TULP3: variants seen among roughly 807,000 people sequenced by gnomAD.
TULP3 encodes tubby-related protein 3.
A neutral mutation model predicts 50.7 loss-of-function variants in TULP3; 38 were observed. The ratio of observed to expected loss-of-function variants is 0.75; its 90% confidence interval spans 0.58 to 0.98. The LOEUF is 0.98. TULP3 is among the 50% of genes least tolerant of loss of function. The pLI, the probability that TULP3 is intolerant of heterozygous loss-of-function variation, is 0.00. For missense variants in TULP3, 550 were observed against 568.0 expected, an observed-to-expected ratio of 0.97 and a Z score of 0.32; for synonymous variants, 183 against 196.6, an observed-to-expected ratio of 0.93 and a Z score of 0.58.
rs139852478 is a variant in TULP3 at position 2,938,188 on chromosome 12, C to T, written c.1098C>T (p.Pro366=). The T allele has an allele frequency of 1.8e-4, 297 of 1,614,178 alleles. No homozygotes were observed. In the East Asian group the frequency reaches 2.0e-3, roughly 11 times the overall value. ...ENLVELHNKA[P]VWNSDTQSYV... is the part of the protein sequence containing the mutation. ...TGGTTGAGCTGCACAACAAGGCCCC[C>T]GTCTGGAACAGTGACACTCAGTCCT... The change falls in exon 10 of 11, where the codon CCC becomes CCT. Residue 366 remains proline, a synonymous_variant. Coordinates refer to ENST00000448120, the MANE Select transcript of TULP3 (RefSeq NM_003324.5).
At chr12:2,915,472 T>C (rs117045170) in intron 2 of TULP3, among the ~76,000 whole-genome samples, 1 of 152,276 alleles carries the variant, frequency 6.6e-6, no homozygotes, top group East Asian at 1.9e-4. Flanking sequence ...AGAAGTCTAG[T>C]TTAAAAATTT....
chr12:2,907,900 T>C (rs1220277930), intron 1 of TULP3, among the ~76,000 whole-genome samples: 1 of 152,170 alleles, frequency 6.6e-6, no homozygotes, highest in Admixed American at 6.6e-5. Flanking sequence ...TTTGTTCCTC[T>C]TTGGAGCTGG....
At chr12:2,903,582 A>AC (rs1761284845) in intron 1 of TULP3, among the ~76,000 whole-genome samples, 3 of 151,940 alleles carry the variant, frequency 2.0e-5, no homozygotes, top group African/African-American at 7.2e-5. Flanking sequence ...AAAAAGAAAA[A>AC]AGAAAAAAAT....
intron 8 of TULP3, among the ~76,000 whole-genome samples, chr12:2,935,228 C>T (rs1283746704): frequency 1.3e-5 from 2 of 152,164 alleles, no homozygotes; most frequent in Non-Finnish European, 2.9e-5. Flanking sequence ...GCCCTCCTGT[C>T]ATTCCTTTGT....
intron 6 of TULP3, among the ~76,000 whole-genome samples, chr12:2,932,436 C>G (rs1259626222): frequency 6.6e-6 from 1 of 151,956 alleles, no homozygotes; most frequent in Non-Finnish European, 1.5e-5. Context: ...AAAAATTAGC[C>G]AGGAGTGGTG....
chr12:2,909,627 C>G (rs772482890), intron 2 of TULP3, 47 bp downstream of exon 2: 7 of 1,542,716 alleles, frequency 4.5e-6, no homozygotes, highest in African/African-American at 4.2e-5. Context: ...CTATACTGAC[C>G]GTGATGCTGA....
At chr12:2,913,420 CTTTT>C (rs1367419258) in intron 2 of TULP3, among the ~76,000 whole-genome samples, 1 of 150,802 alleles carries the variant, frequency 6.6e-6, no homozygotes, top group Non-Finnish European at 1.5e-5. Flanking sequence ...GCTAATTTTT[CTTTT>C]TTCTTTTCTT....
chr12:2,938,332 T>C, intron 10 of TULP3, 47 bp downstream of exon 10: 1 of 1,587,470 alleles, frequency 6.3e-7, no homozygotes, highest in Non-Finnish European at 8.6e-7. Context: ...ACAGATGCTC[T>C]TACAGGATGG....
At chr12:2,893,811 A>ATTT (rs63397262) in intron 1 of TULP3, among the ~76,000 whole-genome samples, 3 of 146,550 alleles carry the variant, frequency 2.0e-5, no homozygotes, top group South Asian at 2.1e-4. Flanking sequence ...ATTTTTTTTA[A>ATTT]TTTTTATTTT....
At chr12:2,893,997 A>G (rs1414538650) in intron 1 of TULP3, among the ~76,000 whole-genome samples, 1 of 152,022 alleles carries the variant, frequency 6.6e-6, no homozygotes, top group Non-Finnish European at 1.5e-5. Flanking sequence ...ATTTGAAACA[A>G]CACTCAGGAC....
At chr12:2,930,002 A>G (rs1038401072) in intron 4 of TULP3, among the ~76,000 whole-genome samples, 6 of 152,174 alleles carry the variant, frequency 3.9e-5, no homozygotes, top group Admixed American at 2.6e-4. Flanking sequence ...GAACTTTTTC[A>G]TCATCCCAGA....
chr12:2,923,159 G>A (rs1360217979), intron 4 of TULP3, among the ~76,000 whole-genome samples: 2 of 151,806 alleles, frequency 1.3e-5, no homozygotes, highest in African/African-American at 2.4e-5. Context: ...ACGCCCAGCC[G>A]AAAAATAATT....
At chr12:2,893,483 G>A (rs1370824529) in intron 1 of TULP3, among the ~76,000 whole-genome samples, 2 of 151,990 alleles carry the variant, frequency 1.3e-5, no homozygotes, top group Non-Finnish European at 2.9e-5. Flanking sequence ...ACCGTGCCCG[G>A]CTAATTTTTA....
intron 6 of TULP3, among the ~76,000 whole-genome samples, chr12:2,932,472 C>G (rs531225664): frequency 6.7e-5 from 10 of 149,788 alleles, no homozygotes; most frequent in African/African-American, 2.5e-4. Context: ...TCCAGCTACT[C>G]GGGAGGCTGA....
In TULP3 at chr12:2,934,536, G is replaced by A. The variant is rs761187853; in HGVS notation, c.899G>A (p.Arg300Gln). Residue 300 changes from arginine to glutamine, a missense_variant, in exon 8 of 11, where the codon CGG (arginine) becomes CAG (glutamine). By Grantham distance (43) the Arg-to-Gln change is conservative. Coordinates refer to ENST00000448120, the MANE Select transcript of TULP3 (RefSeq NM_003324.5). Reference protein sequence around the residue: ...GRGLVGAAHTRQELAAISYET... With the variant: ...GRGLVGAAHTQQELAAISYET... Reference sequence around the variant, plus strand: ...GGTTTGGTAGGAGCGGCCCACACCCGGCAGGAGCTGGCTGCCATCTCCTAT... The same window carrying A: ...GGTTTGGTAGGAGCGGCCCACACCCAGCAGGAGCTGGCTGCCATCTCCTAT... The A allele has an allele frequency of 1.4e-5, 23 of 1,593,630 alleles. No homozygotes were observed. In the African/African-American group the frequency reaches 1.9e-4, roughly 13 times the overall value.
In TULP3 at chr12:2,940,472, T is replaced by C. The variant is rs544244063; in HGVS notation, c.*1028T>C. 6.7e-7 allele frequency: 1 copy of C among 1,487,798 alleles called. No homozygotes were observed. Among genetic ancestry groups the C allele is most frequent in the East Asian group, 2.5e-5 (1 of 40,356 alleles). The allele number at this position is 1,487,798 out of a possible 1,614,324, so 92.2% of individuals were successfully genotyped here. On this transcript the variant is annotated 3_prime_UTR_variant, in exon 11 of 11. Transcript: ENST00000448120. ...ACAGAAGGTGTTTTGCTACGTTTTT[T>C]TGATTATTACACCCCTCCACGTATT...
intron 2 of TULP3, among the ~76,000 whole-genome samples, chr12:2,911,507 C>T (rs2098185513): frequency 1.4e-5 from 2 of 147,224 alleles, no homozygotes; most frequent in Admixed American, 6.9e-5. Context: ...CGCCTGCCAC[C>T]ACGCCAGGCT....
intron 2 of TULP3, among the ~76,000 whole-genome samples, chr12:2,911,572 A>G (rs1029718054): frequency 9.5e-5 from 14 of 146,822 alleles, no homozygotes; most frequent in South Asian, 4.5e-4. Context: ...TCACTGTGTT[A>G]GCCAGGATGG....
chr12:2,905,200 C>A (rs1041106355), intron 1 of TULP3, among the ~76,000 whole-genome samples: 1 of 76,082 alleles, frequency 1.3e-5, no homozygotes, highest in Admixed American at 1.2e-4. Flanking sequence ...TTTTTTTTTT[C>A]CTTTGAGACA....
Sources: gnomAD v4.1 joint callset for allele counts (sites outside exome capture counted in the v4.1 genomes callset) on GRCh38, gnomAD v4.1.1 for gene constraint, MANE v1.5 for transcripts, NCBI Gene and HGNC (gene_info 2026-07-23, HGNC 2026-07-21) for gene names.